CLDN10: variants seen among roughly 807,000 people sequenced by gnomAD.
CLDN10 encodes claudin-10.
A neutral mutation model predicts 22.9 loss-of-function variants in CLDN10; 15 were observed. The ratio of observed to expected loss-of-function variants is 0.65; its 90% CI spans 0.44 to 1.01. CLDN10 has a LOEUF of 1.01. Among genes scored for constraint, CLDN10 ranks in the 50% least tolerant of loss-of-function variants. The pLI is 0.00. For synonymous variants in CLDN10, 114 were observed against 111.4 expected (o/e 1.02, Z -0.15); for missense variants, 247 against 287.8 (o/e 0.86, Z 1.03).
chr13:95,451,533 C>T (rs1566649622), intron 1 of CLDN10, among the ~76,000 whole-genome samples: 2 of 152,196 alleles, frequency 1.3e-5, no homozygotes, highest in Non-Finnish European at 2.9e-5. Context: ...TGGGCTCAAG[C>T]TATCCTCCTG....
chr13:95,542,680 G>A (rs183029742), intron 1 of CLDN10, among the ~76,000 whole-genome samples: 1 of 152,126 alleles, frequency 6.6e-6, no homozygotes, highest in Non-Finnish European at 1.5e-5. Flanking sequence ...GGTGGCGCAC[G>A]CCTGTAGTTG....
intron 1 of CLDN10, among the ~76,000 whole-genome samples, chr13:95,523,158 T>C (rs2138588226): frequency 6.6e-6 from 1 of 152,224 alleles, no homozygotes; most frequent in South Asian, 2.1e-4. Context: ...TGTATTAATT[T>C]GCTTATTATT....
chr13:95,433,820 G>A (rs1566642852), exon 1 of CLDN10: 2 of 1,613,458 alleles, frequency 1.2e-6, no homozygotes, highest in Non-Finnish European at 1.7e-6. Context: ...TGTCACTGGA[G>A]AAGGCGGCGC....
chr13:95,463,999 G>A (rs2042561278), intron 1 of CLDN10, among the ~76,000 whole-genome samples: 1 of 151,852 alleles, frequency 6.6e-6, no homozygotes, highest in East Asian at 1.9e-4. Flanking sequence ...AAGGACATTA[G>A]TCATTTTTAA....
rs887862325 is a variant in CLDN10 at position 95,560,116 on chromosome 13, C to T, written c.221-16C>T. On this transcript the variant is annotated splice_polypyrimidine_tract_variant and intron_variant, in intron 1 of 4. Transcript: ENST00000299339. Reference sequence around the variant, plus strand: ...CACATGCTTTATGTAACGTAAATGACCTACTCTAATTGCAGGTTATATACA... The same window carrying T: ...CACATGCTTTATGTAACGTAAATGATCTACTCTAATTGCAGGTTATATACA... The T allele has an allele frequency of 2.5e-6, 4 of 1,595,670 alleles. No individual in the cohort carries two copies. Among genetic ancestry groups the T allele is most frequent in the Non-Finnish European group, 2.6e-6 (3 of 1,167,470 alleles).
intron 3 of CLDN10, among the ~76,000 whole-genome samples, chr13:95,574,667 G>C (rs1038967608): frequency 1.3e-5 from 2 of 152,246 alleles, no homozygotes; most frequent in South Asian, 4.1e-4. Context: ...CTACTCGGGA[G>C]GCTGAGGCAG....
At chr13:95,520,317 A>G (rs1372569448) in intron 1 of CLDN10, among the ~76,000 whole-genome samples, 6 of 152,190 alleles carry the variant, frequency 3.9e-5, no homozygotes, top group Non-Finnish European at 8.8e-5. Flanking sequence ...TCAAATATTT[A>G]TTTTAAATTT....
At chr13:95,493,125 T>C (rs35058679) in intron 1 of CLDN10, among the ~76,000 whole-genome samples, 41,892 of 151,722 alleles carry the variant, frequency 0.28, 6,119 homozygotes, top group African/African-American at 0.35. Flanking sequence ...AGGGTTATTC[T>C]CCAGCTGAGG....
At chr13:95,487,969 A>G (rs2042822672) in intron 1 of CLDN10, among the ~76,000 whole-genome samples, 1 of 143,136 alleles carries the variant, frequency 7.0e-6, no homozygotes, top group South Asian at 2.3e-4. Context: ...TGAGCCACTG[A>G]GCCTGGCCTA....
intron 1 of CLDN10, among the ~76,000 whole-genome samples, chr13:95,447,187 G>A (rs558243246): frequency 1.3e-5 from 2 of 152,310 alleles, no homozygotes; most frequent in South Asian, 2.1e-4. Flanking sequence ...GAAAATGGAA[G>A]ACAATTTTCT....
At chr13:95,567,205 C>T (rs919383344) in intron 3 of CLDN10, among the ~76,000 whole-genome samples, 2 of 152,086 alleles carry the variant, frequency 1.3e-5, no homozygotes, top group African/African-American at 4.8e-5. Flanking sequence ...TATAAATTAC[C>T]TTGGGCAGTA....
At chr13:95,470,505 C>T (rs938520473) in intron 1 of CLDN10, among the ~76,000 whole-genome samples, 1 of 152,112 alleles carries the variant, frequency 6.6e-6, no homozygotes, top group East Asian at 1.9e-4. Flanking sequence ...CAAAGAGATA[C>T]AACATGTTCT....
intron 1 of CLDN10, among the ~76,000 whole-genome samples, chr13:95,524,865 ATT>A (rs1193360903): frequency 6.9e-5 from 9 of 130,776 alleles, no homozygotes; most frequent in African/African-American, 2.1e-4. Flanking sequence ...ATTTATTTTT[ATT>A]TTTTTTTTTG....
At chr13:95,436,105 C>T (rs139459990) in intron 1 of CLDN10, among the ~76,000 whole-genome samples, 279 of 152,258 alleles carry the variant, frequency 1.8e-3, no homozygotes, top group African/African-American at 6.4e-3. Context: ...CTTCAACTTG[C>T]TGCTTCCCCA....
intron 1 of CLDN10, among the ~76,000 whole-genome samples, chr13:95,521,949 C>T (rs1041624589): frequency 2.0e-5 from 3 of 151,640 alleles, no homozygotes; most frequent in African/African-American, 7.3e-5. Flanking sequence ...TATTTATTGA[C>T]CTTAAGTAAT....
At chr13:95,548,879 C>T (rs1249884554), upstream of CLDN10, among the ~76,000 whole-genome samples, 1 of 152,168 alleles carries the variant, frequency 6.6e-6, no homozygotes, top group Admixed American at 6.5e-5. Flanking sequence ...AATCCTTGAG[C>T]TATTGAAAGG....
chr13:95,520,545 G>C (rs963271183), intron 1 of CLDN10, among the ~76,000 whole-genome samples: 1 of 151,970 alleles, frequency 6.6e-6, no homozygotes, highest in African/African-American at 2.4e-5. Flanking sequence ...TGCTACTTTT[G>C]TATTTTTATT....
intron 1 of CLDN10, among the ~76,000 whole-genome samples, chr13:95,460,432 G>A (rs1221434178): frequency 6.6e-6 from 1 of 152,132 alleles, no homozygotes; most frequent in East Asian, 1.9e-4. Flanking sequence ...TTGACTCATG[G>A]TTCCTGTGGC....
chr13:95,537,686 T>C (rs1005335726), intron 1 of CLDN10, among the ~76,000 whole-genome samples: 48 of 152,208 alleles, frequency 3.2e-4, no homozygotes, highest in African/African-American at 1.1e-3. Context: ...ATTTCCAAAT[T>C]TGAAGTCCTG....
Sources: allele counts gnomAD v4.1 joint callset (sites outside exome capture counted in the v4.1 genomes callset), GRCh38; gene constraint gnomAD v4.1.1; transcripts MANE v1.5; gene names NCBI Gene and HGNC (gene_info 2026-07-23, HGNC 2026-07-21).